DTD1: variants seen among roughly 807,000 people sequenced by gnomAD.
DTD1 encodes the protein D-tyrosyl-tRNA deacylase 1 homolog.
DTD1 carries 13 observed loss-of-function variants against 25.6 expected under a neutral mutation model. That is an observed-to-expected ratio of 0.51 (90% CI 0.33 to 0.81). DTD1 has a LOEUF of 0.81. Among genes scored for constraint, DTD1 ranks in the 30% least tolerant of loss-of-function variants. The probability of loss-of-function intolerance (pLI) is 0.02; values close to 1 mark genes in which losing one functional copy is unlikely to be tolerated. For missense variants in DTD1, 193 were observed against 266.4 expected (o/e 0.72, Z 1.92); for synonymous variants, 110 against 103.6 (o/e 1.06, Z -0.37).
chr20:18,670,812 C>T (rs1466006153), intron 4 of DTD1, among the ~76,000 whole-genome samples: 2 of 152,212 alleles, frequency 1.3e-5, no homozygotes, highest in Admixed American at 6.5e-5. Context: ...GGTTTCTGTA[C>T]ATCCAGACAG....
chr20:18,637,027 G>T (rs2060810142), intron 4 of DTD1, among the ~76,000 whole-genome samples: 1 of 152,144 alleles, frequency 6.6e-6, no homozygotes, highest in Non-Finnish European at 1.5e-5. Flanking sequence ...CCAGGTCTTT[G>T]TGTGCTCCTA....
chr20:18,664,496 C>T (rs1295324241), intron 4 of DTD1, among the ~76,000 whole-genome samples: 1 of 152,064 alleles, frequency 6.6e-6, no homozygotes, highest in South Asian at 2.1e-4. Context: ...GTAATGTCCT[C>T]GGTGATGGGA....
rs370658228 is a variant in DTD1, at chr20:18,754,825, T to C, written c.*20-8535T>C. ...CAACGTCTATTGACCAATCCATGTA[T>C]TGTAGTGGGCGGTGGCTTTCAGCTG... On this transcript the variant is annotated intron_variant, in intron 5 of 5. Transcript: ENST00000377452. 8.5e-4 allele frequency among the ~76,000 whole-genome samples: 130 copies of C among 152,322 alleles called. 2 individuals carry two copies. The South Asian group carries it at 0.026, about 31-fold the overall frequency.
intron 5 of DTD1, among the ~76,000 whole-genome samples, chr20:18,750,950 A>G (rs2061318966): frequency 6.6e-6 from 1 of 152,206 alleles, no homozygotes; most frequent in African/African-American, 2.4e-5. Flanking sequence ...ACTTGAAACC[A>G]AACAAGAAAG....
intron 4 of DTD1, among the ~76,000 whole-genome samples, chr20:18,656,207 C>A (rs996499501): frequency 6.6e-6 from 1 of 152,086 alleles, no homozygotes; most frequent in Non-Finnish European, 1.5e-5. Flanking sequence ...TATTTTCTTT[C>A]TTCTCTACAA....
intron 4 of DTD1, among the ~76,000 whole-genome samples, chr20:18,711,853 G>A (rs1174745447): frequency 6.6e-6 from 1 of 151,766 alleles, no homozygotes; most frequent in Non-Finnish European, 1.5e-5. Flanking sequence ...AGACCAGGCT[G>A]GCCAACATAG....
At chr20:18,617,539 G>A (rs2060713908) in intron 3 of DTD1, among the ~76,000 whole-genome samples, 1 of 151,928 alleles carries the variant, frequency 6.6e-6, no homozygotes, top group South Asian at 2.1e-4. Context: ...ATTGGGAGGT[G>A]TGAGTCCTCT....
intron 2 of DTD1, 21 bp downstream of exon 2, chr20:18,593,842 T>C: frequency 1.2e-6 from 2 of 1,601,150 alleles, no homozygotes; most frequent in Non-Finnish European, 8.6e-7. Context: ...TTTCTGTCAT[T>C]GCTGTTTGAG....
Position 18,735,847 on chromosome 20 carries a change from T to C in DTD1, c.478-8253T>C, listed in dbSNP as rs1018512556. Among the ~76,000 whole-genome samples, 8 of 152,132 alleles carry C rather than the reference T, an allele frequency of 5.3e-5. No individual in the cohort carries two copies. The South Asian group carries it at 1.7e-3, about 32-fold the overall frequency. Reference sequence around the variant, plus strand: ...GTAAGTTTAAGACACCATCACCATCTCACTCTAGAGCACCAGTGTCCAACC... The same window carrying C: ...GTAAGTTTAAGACACCATCACCATCCCACTCTAGAGCACCAGTGTCCAACC... On this transcript the variant is annotated intron_variant, in intron 4 of 5. Transcript: ENST00000377452.
chr20:18,740,817 C>G (rs1420324650), intron 4 of DTD1, among the ~76,000 whole-genome samples: 1 of 152,108 alleles, frequency 6.6e-6, no homozygotes, highest in Non-Finnish European at 1.5e-5. Context: ...TGTATACTGT[C>G]CTTATCATTT....
intron 1 of DTD1, among the ~76,000 whole-genome samples, chr20:18,589,530 T>G (rs2060580729): frequency 6.6e-6 from 1 of 152,204 alleles, no homozygotes; most frequent in South Asian, 2.1e-4. Flanking sequence ...GAAATGGTCC[T>G]GGAATAATAG....
intron 4 of DTD1, among the ~76,000 whole-genome samples, chr20:18,682,598 C>T (rs1052409211): frequency 6.6e-6 from 1 of 152,190 alleles, no homozygotes; most frequent in Non-Finnish European, 1.5e-5. Flanking sequence ...TCTGTAGTCT[C>T]TTTCTTGCTG....
intron 3 of DTD1, among the ~76,000 whole-genome samples, chr20:18,612,171 A>G (rs1011769974): frequency 6.7e-6 from 1 of 149,490 alleles, no homozygotes; most frequent in African/African-American, 2.5e-5. Context: ...AGTAGCTGGG[A>G]CTACAGGTGC....
rs921686200 is a variant in DTD1 at position 18,673,917 on chromosome 20, T to A, written c.477+45684T>A. The stretch of plus-strand genomic sequence containing the variant: ...AAAACCCTATGTTAGTTTTTTTTTT[T>A]TATTTAGAACTAACAATTTAAAAAC... On this transcript the variant is annotated intron_variant, in intron 4 of 5. Transcript: ENST00000377452. Among the ~76,000 whole-genome samples, 10 of 152,154 alleles carry A rather than the reference T, an allele frequency of 6.6e-5. No individual in the cohort carries two copies. The East Asian group carries it at 7.7e-4, about 12-fold the overall frequency.
chr20:18,751,173 T>C (rs1266705759), intron 5 of DTD1, among the ~76,000 whole-genome samples: 1 of 152,174 alleles, frequency 6.6e-6, no homozygotes, highest in East Asian at 1.9e-4. Flanking sequence ...TTCTCTGAGC[T>C]TCACTTTGCT....
chr20:18,674,476 G>T (rs1413162856), intron 4 of DTD1: 1 of 152,226 alleles, frequency 6.6e-6, no homozygotes, highest in Admixed American at 6.5e-5. Context: ...ACATCAAAGG[G>T]ATTGCAGGGC....
chr20:18,656,374 A>G (rs966901752), intron 4 of DTD1, among the ~76,000 whole-genome samples: 1 of 152,210 alleles, frequency 6.6e-6, no homozygotes, highest in Non-Finnish European at 1.5e-5. Context: ...TTAACACAAT[A>G]AAAGTTAATT....
rs144736399 is a variant in DTD1, at chr20:18,721,442, A to G, written c.478-22658A>G. Among the ~76,000 whole-genome samples the G allele has an allele frequency of 5.2e-4, 79 of 152,302 alleles. 1 individual carries two copies. The highest frequency in any genetic ancestry group is 1.8e-3 in the African/African-American group (76 of 41,574). ...TCATAGTATATCATCATTTTGCCAGATTTTAGTTTGTTAATACTTTGTTTA... is the reference window on the plus strand; with the variant it reads ...TCATAGTATATCATCATTTTGCCAGGTTTTAGTTTGTTAATACTTTGTTTA... On this transcript the variant is annotated intron_variant, in intron 4 of 5. Transcript: ENST00000377452.
At chr20:18,662,479 A>G (rs1445348078) in intron 4 of DTD1, among the ~76,000 whole-genome samples, 1 of 152,172 alleles carries the variant, frequency 6.6e-6, no homozygotes, top group Non-Finnish European at 1.5e-5. Context: ...TAAAATCAGA[A>G]CCAGACCTAA....
Sources: allele counts gnomAD v4.1 joint callset (sites outside exome capture counted in the v4.1 genomes callset), GRCh38; gene constraint gnomAD v4.1.1; transcripts MANE v1.5; gene names NCBI Gene and HGNC (gene_info 2026-07-23, HGNC 2026-07-21).